Variants in ESF1 observed in about 807,000 individuals in gnomAD.
ESF1 encodes ESF1 homolog.
Under a neutral mutation model 92.0 loss-of-function variants are expected in ESF1, and 58 were observed. The ratio of observed to expected loss-of-function variants is 0.63; its 90% CI spans 0.51 to 0.78. ESF1 has a LOEUF of 0.78. ESF1 is among the 30% of genes least tolerant of loss of function. The pLI, the probability that ESF1 is intolerant of heterozygous loss-of-function variation, is 0.00. For missense variants in ESF1, 922 were observed against 989.1 expected, an observed-to-expected ratio of 0.93 and a Z score of 0.91; for synonymous variants, 321 against 313.7, an observed-to-expected ratio of 1.02 and a Z score of -0.24.
intron 7 of ESF1, among the ~76,000 whole-genome samples, chr20:13,767,960 C>T (rs1979503619): frequency 6.6e-6 from 1 of 152,178 alleles, no homozygotes; most frequent in South Asian, 2.1e-4. Context: ...GAGCTGATAA[C>T]CACCAAAACA....
chr20:13,742,267 T>A (rs972787857), intron 9 of ESF1, among the ~76,000 whole-genome samples: 1 of 152,090 alleles, frequency 6.6e-6, no homozygotes, highest in African/African-American at 2.4e-5. Context: ...ACTTGGGAGT[T>A]TGAGACCAGT....
intron 8 of ESF1, among the ~76,000 whole-genome samples, chr20:13,764,761 T>C (rs771096021): frequency 1.3e-5 from 2 of 151,790 alleles, no homozygotes; most frequent in African/African-American, 4.9e-5. Context: ...TCACACTGGG[T>C]AGGCTGAGGA....
chr20:13,724,695 A>G (rs2049889817), intron 11 of ESF1, among the ~76,000 whole-genome samples: 1 of 152,226 alleles, frequency 6.6e-6, no homozygotes, highest in Admixed American at 6.5e-5. Context: ...CAGTTATACC[A>G]TAGGAAGTCA....
Position 13,717,396 on chromosome 20 carries a change from T to C in ESF1, c.2234A>G (p.Lys745Arg), listed in dbSNP as rs187708779. Residue 745 changes from lysine (K) to arginine (R), a missense_variant, in exon 13 of 14, where the codon AAG becomes AGG. Coordinates refer to ENST00000617257, the MANE Select transcript of ESF1 (RefSeq NM_001276380.2). The part of the protein sequence containing the change: ...SKKKKKQLMK[K>R]KELIEDDFEV... ...AAAGTCATCCTCTATTAATTCCTTC[T>C]TTTTCATGAGCTGCTTTTTCTTCTT... 3 of 1,614,078 alleles carry C rather than the reference T, an allele frequency of 1.9e-6. No individual in the cohort carries two copies. In the African/African-American group the frequency reaches 4.0e-5, roughly 22 times the overall value.
At chr20:13,752,619 C>A (rs934371117) in intron 9 of ESF1, among the ~76,000 whole-genome samples, 1 of 152,054 alleles carries the variant, frequency 6.6e-6, no homozygotes, top group East Asian at 1.9e-4. Flanking sequence ...GGCTGCCTAA[C>A]AAAATGAATG....
intron 8 of ESF1, among the ~76,000 whole-genome samples, chr20:13,764,850 C>T (rs1020315860): frequency 1.3e-5 from 2 of 151,696 alleles, no homozygotes; most frequent in Non-Finnish European, 2.9e-5. Flanking sequence ...TGACCTCACA[C>T]AGTTCAAACC....
At chr20:13,728,804 T>C (rs972481817) in intron 10 of ESF1, among the ~76,000 whole-genome samples, 2 of 151,340 alleles carry the variant, frequency 1.3e-5, no homozygotes, top group African/African-American at 2.4e-5. Flanking sequence ...GAGGAAGAGG[T>C]TGTGGTGAGC....
At chr20:13,754,588 C>A (rs1375937821) in intron 9 of ESF1, among the ~76,000 whole-genome samples, 4 of 152,088 alleles carry the variant, frequency 2.6e-5, no homozygotes, top group South Asian at 2.1e-4. Flanking sequence ...AAAAAAAATT[C>A]TTGATGCTCC....
Position 13,775,176 on chromosome 20 carries a change from C to T in ESF1, c.1130G>A (p.Gly377Asp), listed in dbSNP as rs1347944665. The change falls in exon 4 of 14, where the codon GGT becomes GAT. Residue 377 changes from glycine to aspartate, a missense_variant. Transcript: ENST00000617257. ...TCTCACCTTGACGGAAAATATTACA[C>T]CTCCTTTGGGTTTAAATGAATTGAA... is the stretch of plus-strand genomic sequence containing the variant. ...ALFNSFKPKG[G>D]VIFSVKIYPS... The T allele has an allele frequency of 1.2e-6, 2 of 1,600,620 alleles. No individual in the cohort carries two copies. The highest frequency in any genetic ancestry group is 1.1e-5 in the South Asian group (1 of 87,988).
chr20:13,728,331 T>A, intron 11 of ESF1, 47 bp downstream of exon 11: 1 of 1,450,826 alleles, frequency 6.9e-7, no homozygotes, highest in Non-Finnish European at 9.5e-7. Context: ...GTACCTCACC[T>A]TTTTCTTTAG....
chr20:13,731,855 G>C (rs1252422218), intron 10 of ESF1, among the ~76,000 whole-genome samples: 3 of 152,194 alleles, frequency 2.0e-5, no homozygotes, highest in Non-Finnish European at 4.4e-5. Flanking sequence ...ATAAAAACCC[G>C]AGAAACGAGT....
chr20:13,741,595 A>G (rs2050013958), intron 9 of ESF1, among the ~76,000 whole-genome samples: 1 of 152,230 alleles, frequency 6.6e-6, no homozygotes, highest in Non-Finnish European at 1.5e-5. Flanking sequence ...AAGATTTTCT[A>G]TATGGCACAA....
At chr20:13,729,473 G>C (rs778739806) in intron 10 of ESF1, among the ~76,000 whole-genome samples, 14 of 152,322 alleles carry the variant, frequency 9.2e-5, no homozygotes, top group East Asian at 3.9e-4. Context: ...AAGTGATGCA[G>C]ACATTTGAAG....
At chr20:13,774,429 A>G (rs1221678255) in intron 4 of ESF1, among the ~76,000 whole-genome samples, 2 of 152,218 alleles carry the variant, frequency 1.3e-5, no homozygotes, top group Non-Finnish European at 2.9e-5. Flanking sequence ...TTCTGATCCC[A>G]AGCATTTTGG....
chr20:13,771,073 T>G (rs1312538490), intron 6 of ESF1, among the ~76,000 whole-genome samples: 2 of 152,206 alleles, frequency 1.3e-5, no homozygotes, highest in Non-Finnish European at 2.9e-5. Flanking sequence ...GAAATATTAT[T>G]GTGTAAGGTA....
chr20:13,774,502 T>C (rs1393567905), intron 4 of ESF1, among the ~76,000 whole-genome samples: 3 of 152,236 alleles, frequency 2.0e-5, no homozygotes, highest in Non-Finnish European at 4.4e-5. Flanking sequence ...CTGCACTAAA[T>C]ACTTAGTTCA....
In ESF1 at chr20:13,783,173, G is replaced by T; in HGVS notation, c.-33C>A. On this transcript the variant is annotated 5_prime_UTR_variant, in exon 2 of 14. Coordinates refer to ENST00000617257, the MANE Select transcript of ESF1 (RefSeq NM_001276380.2). Reference sequence around the variant, plus strand: ...TCTTAATCTCGACCAAATGCTTGAAGAAAACAAATACTGAAAAATAAAACA... The same window carrying T: ...TCTTAATCTCGACCAAATGCTTGAATAAAACAAATACTGAAAAATAAAACA... 1 of 1,567,300 alleles carries T rather than the reference G, an allele frequency of 6.4e-7. No individual in the cohort carries two copies. The highest frequency in any genetic ancestry group is 8.7e-7 in the Non-Finnish European group (1 of 1,155,836).
intron 3 of ESF1, 51 bp downstream of exon 3, chr20:13,775,822 G>C (rs1421362023): frequency 2.0e-6 from 3 of 1,527,462 alleles, no homozygotes; most frequent in Non-Finnish European, 2.6e-6. Context: ...AGCCATAAAA[G>C]CTGCTTGTAC....
At chr20:13,774,969 A>AGG (rs1979858853) in intron 4 of ESF1, among the ~76,000 whole-genome samples, 188 bp downstream of exon 4, 1 of 152,072 alleles carries the variant, frequency 6.6e-6, no homozygotes, top group Non-Finnish European at 1.5e-5. Flanking sequence ...ATAACCTATC[A>AGG]ATAATAATAA....
Sources: allele counts gnomAD v4.1 joint callset (sites outside exome capture counted in the v4.1 genomes callset), GRCh38; gene constraint gnomAD v4.1.1; transcripts MANE v1.5; gene names NCBI Gene and HGNC (gene_info 2026-07-23, HGNC 2026-07-21).